Variants in KIF22 observed in about 807,000 individuals in gnomAD.
The protein encoded by KIF22 is kinesin-like protein KIF22.
A neutral mutation model predicts 73.0 loss-of-function variants in KIF22; 62 were observed. The ratio of observed to expected loss-of-function variants is 0.85; its 90% CI spans 0.69 to 1.05. The LOEUF is 1.05. Among genes scored for constraint, KIF22 ranks in the 50% least tolerant of loss-of-function variants. The pLI, the probability that KIF22 is intolerant of heterozygous loss-of-function variation, is 0.00. For synonymous variants in KIF22, 411 were observed against 340.1 expected, an observed-to-expected ratio of 1.21 and a Z score of -2.29; for missense variants, 854 against 870.1, an observed-to-expected ratio of 0.98 and a Z score of 0.23.
Position 29,805,176 on chromosome 16 carries a change from T to G in KIF22, c.1950+2T>G. On this transcript the variant is annotated splice_donor_variant, in intron 13 of 13. Coordinates refer to ENST00000160827, the MANE Select transcript of KIF22 (RefSeq NM_007317.3). LOFTEE classifies it high-confidence loss of function. Reference sequence around the variant, plus strand: ...AAACAGATGGAGTCCTTCCTGAAGGTGAAGTCACGGCCCTGCCCCTCCTCT... The same window carrying G: ...AAACAGATGGAGTCCTTCCTGAAGGGGAAGTCACGGCCCTGCCCCTCCTCT... 6.2e-7 allele frequency: 1 copy of G among 1,613,922 alleles called. No homozygotes were observed. Among genetic ancestry groups the G allele is most frequent in the Non-Finnish European group, 8.5e-7 (1 of 1,179,968 alleles).
At chr16:29,805,064 G>GGGGGGGGGGGGGGC in intron 12 of KIF22, 38 bp downstream of exon 12, 1 of 1,609,766 alleles carries the variant, frequency 6.2e-7, no homozygotes, top group Non-Finnish European at 8.5e-7. Context: ...CGGGGGCGGG[G>GGGGGGGGGGGGGGC]GAGACCGGGT....
Position 29,798,681 on chromosome 16 carries a change from G to C in KIF22, c.483G>C (p.Glu161Asp). Residue 161 changes from glutamate to aspartate, a missense_variant, in exon 4 of 14, where the codon GAG becomes GAC. By Grantham distance (45) the Glu-to-Asp change is conservative. Transcript: ENST00000160827. This position sits in a 1 kb window ranked among gnomAD's most constrained non-coding sequence, Gnocchi z 4.1. Reference protein sequence around the residue: ...LMDLLQLTREEGAEGRPWALS... With the variant: ...LMDLLQLTREDGAEGRPWALS... ...ACCTCCTGCAGCTCACAAGGGAGGA[G>C]GGTGCCGAGGGCCGGCCATGGGCCC... 6.2e-7 allele frequency: 1 copy of C among 1,614,188 alleles called. No individual in the cohort carries two copies. Among genetic ancestry groups the C allele is most frequent in the Non-Finnish European group, 8.5e-7 (1 of 1,180,044 alleles).
Position 29,797,059 on chromosome 16 carries a change from G to T in KIF22, c.237G>T (p.Trp79Cys). The change falls in exon 2 of 14, where the codon TGG becomes TGT. Residue 79 changes from tryptophan (W) to cysteine (C), a missense_variant. This residue lies in a region of KIF22 where 186 missense variants were observed against 152.9 expected (regional missense o/e 1.22). Transcript: ENST00000160827. The surrounding 1 kb of genome is among the most constrained non-coding windows in gnomAD (Gnocchi z 4.1). ...GCTGCTCTCTAGAGATTGCTAACTGGAGGAACCACCAGGAGACTCTCAAAT... is the reference window on the plus strand; with the variant it reads ...GCTGCTCTCTAGAGATTGCTAACTGTAGGAACCACCAGGAGACTCTCAAAT... The part of the protein sequence containing the change: ...MDSCSLEIAN[W>C]RNHQETLKYQ... 1 of 1,601,886 alleles carries T rather than the reference G, an allele frequency of 6.2e-7. No homozygotes were observed. Among genetic ancestry groups the T allele is most frequent in the Non-Finnish European group, 8.5e-7 (1 of 1,172,212 alleles).
At chr16:29,791,661 T>C (rs1898819884) in intron 1 of KIF22, among the ~76,000 whole-genome samples, 1 of 152,228 alleles carries the variant, frequency 6.6e-6, no homozygotes, top group Non-Finnish European at 1.5e-5. Context: ...AACCATTTAT[T>C]GTCCACACAA....
intron 1 of KIF22, chr16:29,791,390 C>T (rs917187210): frequency 6.2e-6 from 2 of 324,210 alleles, no homozygotes; most frequent in Admixed American, 1.3e-4. Context: ...CTAAAATTTC[C>T]TTTCACTCTA....
intron 11 of KIF22, 108 bp from the exon 12 acceptor site, chr16:29,804,706 G>A (rs1215101555): frequency 2.3e-6 from 2 of 854,950 alleles, no homozygotes; most frequent in East Asian, 2.6e-5. Flanking sequence ...GACAAGAGAG[G>A]AAGAGGCTGG....
chr16:29,799,503 C>T lies in KIF22; in HGVS notation c.990+9C>T. 6.2e-7 allele frequency: 1 copy of T among 1,613,840 alleles called. No individual in the cohort carries two copies. The highest frequency in any genetic ancestry group is 8.5e-7 in the Non-Finnish European group (1 of 1,179,784). On this transcript the variant is annotated intron_variant, in intron 6 of 13. Transcript: ENST00000160827. ...TCACTCGCCTATTGCAGGTCAGGCC[C>T]ACCTGTCTCAGGGAAGAAGGGGCTG...
intron 8 of KIF22, among the ~76,000 whole-genome samples, chr16:29,801,217 T>G (rs1899125827): frequency 6.6e-6 from 1 of 152,198 alleles, no homozygotes; most frequent in Non-Finnish European, 1.5e-5. Context: ...TGGCCCAGTA[T>G]GTACTAATCC....
In KIF22 at chr16:29,805,327, C is replaced by T. The variant is rs750100740; in HGVS notation, c.*17C>T. On this transcript the variant is annotated 3_prime_UTR_variant, in exon 14 of 14. Coordinates refer to ENST00000160827, the MANE Select transcript of KIF22 (RefSeq NM_007317.3). Reference sequence around the variant, plus strand: ...GCCTCCTGACCGTCGTCTCCTCACTCCGCCTTTTCAAATTTTTGTATAACC... The same window carrying T: ...GCCTCCTGACCGTCGTCTCCTCACTTCGCCTTTTCAAATTTTTGTATAACC... The T allele has an allele frequency of 1.2e-6, 2 of 1,611,346 alleles. No homozygotes were observed. Among genetic ancestry groups the T allele is most frequent in the African/African-American group, 1.3e-5 (1 of 74,928 alleles).
Position 29,796,967 on chromosome 16 carries a change from C to T in KIF22, c.145C>T (p.Arg49Ter), listed in dbSNP as rs780144771. 8.7e-6 allele frequency: 14 copies of T among 1,613,968 alleles called. No homozygotes were observed. Among genetic ancestry groups the T allele is most frequent in the African/African-American group, 1.3e-5 (1 of 74,904 alleles). Residue 49 changes from arginine to a stop codon, truncating the protein, a stop_gained, in exon 2 of 14, where the codon CGA becomes TGA. Coordinates refer to ENST00000160827, the MANE Select transcript of KIF22 (RefSeq NM_007317.3). LOFTEE classifies it high-confidence loss of function. ...TCCAGCTCGCGTAAGGGTGGCTGTG[C>T]GACTGCGGCCATTTGTGGATGGAAC... is the stretch of plus-strand genomic sequence containing the variant. ...PPPARVRVAV[R>*]LRPFVDGTAG...
chr16:29,795,303 C>T (rs1353351815), intron 1 of KIF22, among the ~76,000 whole-genome samples: 3 of 152,200 alleles, frequency 2.0e-5, no homozygotes, highest in African/African-American at 7.2e-5. Flanking sequence ...CCCCATTTAT[C>T]AGATGATGGA....
intron 9 of KIF22, 87 bp downstream of exon 9, chr16:29,803,024 C>T: frequency 7.3e-7 from 1 of 1,375,640 alleles, no homozygotes; most frequent in Admixed American, 2.0e-5. Context: ...GACACTCAGG[C>T]TGGACTAGAG....
chr16:29,805,250 T>C lies in KIF22; in HGVS notation c.1951-13T>C. The C allele has an allele frequency of 6.3e-7, 1 of 1,595,286 alleles. No individual in the cohort carries two copies. The highest frequency in any genetic ancestry group is 1.1e-5 in the South Asian group (1 of 90,994). ...TCTCTAACGTCGCTGTCTCCCTCCC[T>C]CCTGTGTTGCAGGCAAACATCCTGG... On this transcript the variant is annotated splice_polypyrimidine_tract_variant and intron_variant, in intron 13 of 13. Transcript: ENST00000160827.
At position 29,800,005 on chromosome 16, in the gene KIF22, C is replaced by A; in HGVS notation, c.1237C>A (p.Pro413Thr). The A allele has an allele frequency of 6.2e-7, 1 of 1,613,824 alleles. No homozygotes were observed. Among genetic ancestry groups the A allele is most frequent in the Admixed American group, 1.7e-5 (1 of 60,026 alleles). ...CCCTGAGGAAGAGGAGATCGGGAGC[C>A]CTGAGCCCATGGCAGCTCCAGCCTC... The part of the protein sequence containing the change: ...RGPEEEEIGS[P>T]EPMAAPASAS... Residue 413 changes from proline to threonine, a missense_variant, in exon 8 of 14, where the codon CCT becomes ACT. Pro to Thr is a conservative substitution (Grantham distance 38, BLOSUM62 -1). This residue lies in a region of KIF22 where 423 missense variants were observed against 365.4 expected (regional missense o/e 1.16). Transcript: ENST00000160827.
chr16:29,799,326 C>A lies in KIF22; in HGVS notation c.822C>A (p.Asp274Glu). 6.2e-7 allele frequency: 1 copy of A among 1,614,236 alleles called. No homozygotes were observed. Among genetic ancestry groups the A allele is most frequent in the Non-Finnish European group, 8.5e-7 (1 of 1,180,046 alleles). The change falls in exon 6 of 14, where the codon GAC (aspartate) becomes GAA (glutamate). Residue 274 changes from aspartate to glutamate, a missense_variant. Around this residue, in one of 3 missense-constraint regions of KIF22, gnomAD observed 245 missense variants for 351.8 expected, o/e 0.70. Transcript: ENST00000160827. Reference sequence around the variant, plus strand: ...GAGAGGGAAAACTCTACCTGATTGACTTGGCTGGGTCAGAGGACAACCGGC... The same window carrying A: ...GAGAGGGAAAACTCTACCTGATTGAATTGGCTGGGTCAGAGGACAACCGGC... ...RQREGKLYLI[D>E]LAGSEDNRRT... is the part of the protein sequence containing the mutation.
chr16:29,803,552 G>T lies in KIF22; in HGVS notation c.1553G>T (p.Arg518Leu). 6.2e-7 allele frequency: 1 copy of T among 1,613,694 alleles called. No homozygotes were observed. Among genetic ancestry groups the T allele is most frequent in the Non-Finnish European group, 8.5e-7 (1 of 1,179,764 alleles). The change falls in exon 10 of 14, where the codon CGC (arginine) becomes CTC (leucine). Residue 518 changes from arginine to leucine, a missense_variant. This residue lies in a region of KIF22 where 423 missense variants were observed against 365.4 expected (regional missense o/e 1.16). Transcript: ENST00000160827. ...CPTMLRPLSH[R>L]TVTGAKPLKK... ...ACAATGCTCCGGCCCCTTTCACATC[G>T]CACAGTCACAGGGGCAAAGCCCCTG...
At chr16:29,791,229 T>C (rs552703695) in intron 1 of KIF22, 8 of 1,072,242 alleles carry the variant, frequency 7.5e-6, no homozygotes, top group African/African-American at 3.4e-5. Context: ...GAGGCGTGTA[T>C]TGGGAAGGGT....
chr16:29,795,307 T>A (rs1898921511), intron 1 of KIF22, among the ~76,000 whole-genome samples: 1 of 152,216 alleles, frequency 6.6e-6, no homozygotes, highest in South Asian at 2.1e-4. Context: ...ATTTATCAGA[T>A]GATGGAATGG....
At chr16:29,793,748 G>A (rs1051778199) in intron 1 of KIF22, among the ~76,000 whole-genome samples, 9 of 152,110 alleles carry the variant, frequency 5.9e-5, no homozygotes, top group African/African-American at 2.2e-4. Flanking sequence ...TAGCCAGCCC[G>A]AAATGTCAGT....
Sources: gnomAD v4.1 joint callset for allele counts (sites outside exome capture counted in the v4.1 genomes callset) on GRCh38, gnomAD v4.1.1 for gene constraint, gnomAD v4.1.1 regional missense constraint, Gnocchi (gnomAD v3.1) non-coding constraint, MANE v1.5 for transcripts, NCBI Gene and HGNC (gene_info 2026-07-23, HGNC 2026-07-21) for gene names.